The following PRDM5 variants were observed in gnomAD, a reference collection of about 807,000 sequenced individuals.
PRDM5 encodes PR domain zinc finger protein 5.
Under a neutral mutation model 81.2 loss-of-function variants are expected in PRDM5, and 56 were observed. The ratio of observed to expected loss-of-function variants is 0.69; its 90% CI spans 0.56 to 0.86. PRDM5 has a LOEUF of 0.86. Ranked by LOEUF, PRDM5 falls within the 40% of genes least tolerant of loss-of-function variation. The pLI, the probability that PRDM5 is intolerant of heterozygous loss-of-function variation, is 0.00. For missense variants in PRDM5, 697 were observed against 770.1 expected (o/e 0.91, Z 1.12); for synonymous variants, 267 against 256.4 (o/e 1.04, Z -0.39).
intron 13 of PRDM5, among the ~76,000 whole-genome samples, chr4:120,768,706 T>A (rs1746776104): frequency 6.6e-6 from 1 of 152,214 alleles, no homozygotes; most frequent in African/African-American, 2.4e-5. Context: ...GATAGAGCAT[T>A]TGTCAGGACC....
chr4:120,905,178 T>C (rs1021398073), intron 2 of PRDM5, among the ~76,000 whole-genome samples: 3 of 152,162 alleles, frequency 2.0e-5, no homozygotes, highest in Non-Finnish European at 4.4e-5. Flanking sequence ...GAGGACTATA[T>C]TATGAATTTC....
At chr4:120,839,023 G>C (rs944248459) in intron 3 of PRDM5, 1 of 560,560 alleles carries the variant, frequency 1.8e-6, no homozygotes, top group South Asian at 2.3e-5. Context: ...CAGGCACACC[G>C]CAAGTAGCTT....
intron 14 of PRDM5, among the ~76,000 whole-genome samples, chr4:120,752,327 G>A (rs544300405): frequency 6.6e-6 from 1 of 152,260 alleles, no homozygotes; most frequent in Admixed American, 6.5e-5. Context: ...TTAAAAAAGA[G>A]TTTGAGGTAA....
chr4:120,852,140 A>C (rs772767116), intron 3 of PRDM5, among the ~76,000 whole-genome samples: 2 of 152,108 alleles, frequency 1.3e-5, no homozygotes, highest in Non-Finnish European at 2.9e-5. Context: ...TTTTCCACTG[A>C]GGGATCACCT....
chr4:120,751,493 C>T (rs1401897808), intron 14 of PRDM5, among the ~76,000 whole-genome samples: 1 of 148,364 alleles, frequency 6.7e-6, no homozygotes, highest in Non-Finnish European at 1.5e-5. Flanking sequence ...AGGGACAAAA[C>T]AAAGTTGAAA....
At chr4:120,846,782 G>A (rs1443946202) in intron 3 of PRDM5, among the ~76,000 whole-genome samples, 1 of 152,078 alleles carries the variant, frequency 6.6e-6, no homozygotes, top group African/African-American at 2.4e-5. Flanking sequence ...CAGTTTTAAA[G>A]GTTATTTTTA....
chr4:120,921,013 T>C (rs1040065454), intron 1 of PRDM5, among the ~76,000 whole-genome samples: 9 of 152,190 alleles, frequency 5.9e-5, no homozygotes, highest in Non-Finnish European at 1.2e-4. Flanking sequence ...TAAAAATCTA[T>C]ATGGTAATAT....
At chr4:120,804,345 C>T (rs927586259) in intron 8 of PRDM5, among the ~76,000 whole-genome samples, 3 of 151,784 alleles carry the variant, frequency 2.0e-5, no homozygotes, top group Non-Finnish European at 4.4e-5. Flanking sequence ...CTGCACCAAG[C>T]AGACCTAATA....
At chr4:120,896,678 C>CAT (rs1283799039) in intron 2 of PRDM5, 1 of 141,730 alleles carries the variant, frequency 7.1e-6, no homozygotes, top group Non-Finnish European at 1.5e-5. Context: ...CACACACACA[C>CAT]ACACACACAC....
At chr4:120,690,298 C>A (rs1261580780), downstream of PRDM5, among the ~76,000 whole-genome samples, 1 of 152,154 alleles carries the variant, frequency 6.6e-6, no homozygotes. Flanking sequence ...ATACATGTGT[C>A]CAGATAAATT....
At chr4:120,831,995 T>C (rs538310273) in intron 3 of PRDM5, among the ~76,000 whole-genome samples, 2 of 152,250 alleles carry the variant, frequency 1.3e-5, no homozygotes, top group South Asian at 2.1e-4. Context: ...TTCCTAACCA[T>C]CTGTGCTGGT....
intron 14 of PRDM5, among the ~76,000 whole-genome samples, chr4:120,739,097 T>A (rs1741524583): frequency 6.6e-6 from 1 of 152,242 alleles, no homozygotes; most frequent in Admixed American, 6.5e-5. Context: ...TTAGCTATTA[T>A]GTGGCATGCC....
chr4:120,774,976 GTA>G (rs1358274415), intron 13 of PRDM5, among the ~76,000 whole-genome samples: 4 of 148,834 alleles, frequency 2.7e-5, no homozygotes, highest in African/African-American at 9.8e-5. Context: ...ATATGTGTGT[GTA>G]TATGTATATG....
At chr4:120,836,114 T>G (rs1198436475) in intron 3 of PRDM5, among the ~76,000 whole-genome samples, 1 of 151,488 alleles carries the variant, frequency 6.6e-6, no homozygotes, top group Admixed American at 6.6e-5. Context: ...AGGATAAAGA[T>G]CAAATGGAGA....
chr4:120,789,076 C>A (rs1416947216), intron 10 of PRDM5, among the ~76,000 whole-genome samples: 1 of 152,162 alleles, frequency 6.6e-6, no homozygotes, highest in Non-Finnish European at 1.5e-5. Context: ...TCCTTAATAA[C>A]CCTATGATGT....
At chr4:120,832,145 A>AG (rs1324812585) in intron 3 of PRDM5, among the ~76,000 whole-genome samples, 1 of 152,148 alleles carries the variant, frequency 6.6e-6, no homozygotes, top group Admixed American at 6.5e-5. Context: ...ACCTGAGACT[A>AG]GGATATTTAT....
intron 14 of PRDM5, among the ~76,000 whole-genome samples, chr4:120,715,212 T>C (rs1242600635): frequency 2.6e-5 from 4 of 152,204 alleles, no homozygotes; most frequent in African/African-American, 9.7e-5. Context: ...GCTCCATTTT[T>C]GTTCATTGAA....
chr4:120,775,555 T>C (rs115932966), intron 13 of PRDM5, among the ~76,000 whole-genome samples: 1,590 of 152,272 alleles, frequency 0.01, 32 homozygotes, highest in African/African-American at 0.035. Context: ...CCCTACCTTT[T>C]AAAAACACAC....
intron 15 of PRDM5, among the ~76,000 whole-genome samples, chr4:120,697,663 G>A (rs1416067033): frequency 8.3e-6 from 1 of 121,002 alleles, no homozygotes; most frequent in East Asian, 2.4e-4. Flanking sequence ...ACCATGCCCA[G>A]CTAACTATTT....
Sources: gnomAD v4.1 joint callset for allele counts (sites outside exome capture counted in the v4.1 genomes callset) on GRCh38, gnomAD v4.1.1 for gene constraint, MANE v1.5 for transcripts, NCBI Gene and HGNC (gene_info 2026-07-23, HGNC 2026-07-21) for gene names.